Variants in HDAC1 observed in about 807,000 individuals in gnomAD.
The protein encoded by HDAC1 is histone deacetylase 1.
In HDAC1, 18 loss-of-function variants were observed where a neutral mutation model predicts 65.5. The observed-to-expected ratio is 0.27, with a 90% CI of 0.19 to 0.41. The LOEUF (loss-of-function observed/expected upper bound fraction) is 0.41, where lower values mean the gene tolerates loss of function less well. HDAC1 is among the 10% of genes least tolerant of loss of function. The pLI is 1.00. For synonymous variants in HDAC1, 211 were observed against 227.9 expected (o/e 0.93, Z 0.67); for missense variants, 373 against 625.2 (o/e 0.60, Z 4.30).
In HDAC1 at chr1:32,329,446, A is replaced by G; in HGVS notation, c.729+286A>G. On this transcript the variant is annotated intron_variant, in intron 7 of 13. Transcript: ENST00000373548. This position sits in a 1 kb window ranked among gnomAD's most constrained non-coding sequence, Gnocchi z 4.1. ...AAGGCAGGCACATACCCAGTAGTCT[A>G]TGATTAGTACTGTTTTTGTATCTCC... The G allele has an allele frequency of 1.9e-6, 1 of 538,818 alleles. No homozygotes were observed. Among genetic ancestry groups the G allele is most frequent in the Non-Finnish European group, 3.4e-6 (1 of 298,254 alleles). 33.4% of individuals were successfully genotyped at this position (538,818 alleles called of 1,614,324 possible).
At chr1:32,296,098 C>T (rs1569998178) in intron 1 of HDAC1, among the ~76,000 whole-genome samples, 1 of 152,120 alleles carries the variant, frequency 6.6e-6, no homozygotes, top group African/African-American at 2.4e-5. Flanking sequence ...AGAGGAGGCT[C>T]TTTAGGGAAA....
intron 1 of HDAC1, among the ~76,000 whole-genome samples, chr1:32,298,352 G>GTTGGGAT (rs1243235324): frequency 2.0e-5 from 3 of 151,942 alleles, no homozygotes; most frequent in Non-Finnish European, 4.4e-5. Flanking sequence ...CTCCCAAAGT[G>GTTGGGAT]TTGGGATTAC....
chr1:32,324,574 C>T (rs757566761), intron 4 of HDAC1, 21 bp downstream of exon 4: 1 of 1,535,318 alleles, frequency 6.5e-7, no homozygotes, highest in Admixed American at 1.7e-5. Context: ...TTCATCTTCT[C>T]CCCAGGGGTA....
intron 2 of HDAC1, among the ~76,000 whole-genome samples, chr1:32,302,951 C>G (rs1640869029): frequency 6.6e-6 from 1 of 152,174 alleles, no homozygotes; most frequent in Admixed American, 6.6e-5. Flanking sequence ...GCAAGAGGAT[C>G]ACTTGAGCCT....
intron 6 of HDAC1, among the ~76,000 whole-genome samples, chr1:32,328,461 T>A (rs192111235): frequency 1.3e-5 from 2 of 152,262 alleles, no homozygotes; most frequent in Non-Finnish European, 2.9e-5. Flanking sequence ...GCTGGGATTA[T>A]AAGTGCGTGC....
At chr1:32,321,479 C>T (rs928561691) in intron 3 of HDAC1, among the ~76,000 whole-genome samples, 4 of 151,622 alleles carry the variant, frequency 2.6e-5, no homozygotes, top group Admixed American at 6.6e-5. Flanking sequence ...CCTTCTCTGC[C>T]TACGTCTGCT....
chr1:32,312,660 T>A (rs1641006197), intron 2 of HDAC1, among the ~76,000 whole-genome samples: 1 of 145,418 alleles, frequency 6.9e-6, no homozygotes, highest in African/African-American at 2.6e-5. Context: ...TGTGCCTGGC[T>A]ATGAACTTTT....
In HDAC1 at chr1:32,295,519, C is replaced by T. The variant is rs564858258; in HGVS notation, c.49+3301C>T. On this transcript the variant is annotated intron_variant, in intron 1 of 13. Transcript: ENST00000373548. Reference sequence around the variant, plus strand: ...GTGTCTGGTGAGGGTCTGGTCTCTACTTCCAATATGGTGCTTTGAATTCAG... The same window carrying T: ...GTGTCTGGTGAGGGTCTGGTCTCTATTTCCAATATGGTGCTTTGAATTCAG... 7.2e-5 allele frequency among the ~76,000 whole-genome samples: 11 copies of T among 152,284 alleles called. No individual in the cohort carries two copies. In the South Asian group the frequency reaches 2.3e-3, roughly 32 times the overall value.
intron 2 of HDAC1, among the ~76,000 whole-genome samples, chr1:32,310,870 GAGAC>G (rs945130133): frequency 7.4e-5 from 11 of 147,938 alleles, no homozygotes; most frequent in Admixed American, 2.0e-4. Flanking sequence ...AAAAAATAGA[GAGAC>G]AGAAAGAAAC....
At chr1:32,321,578 T>C (rs1641147493) in intron 3 of HDAC1, among the ~76,000 whole-genome samples, 1 of 152,062 alleles carries the variant, frequency 6.6e-6, no homozygotes, top group Non-Finnish European at 1.5e-5. Context: ...AGAAAACCCA[T>C]GGAAAAGTCT....
At position 32,330,164 on chromosome 1, in the gene HDAC1, A is replaced by C. The variant is rs1360847188; in HGVS notation, c.730-414A>C. On this transcript the variant is annotated intron_variant, in intron 7 of 13. Transcript: ENST00000373548. This position sits in a 1 kb window ranked among gnomAD's most constrained non-coding sequence, Gnocchi z 4.2. ...TTGTGGTCTCGGTCTCAGTAACGTT[A>C]GACTCTGCTTGTGAGAATAAGATAA... 1.0e-5 allele frequency: 2 copies of C among 198,368 alleles called. No individual in the cohort carries two copies. The highest frequency in any genetic ancestry group is 1.0e-5 in the Non-Finnish European group (1 of 95,410). 12.3% of individuals were successfully genotyped at this position (198,368 alleles called of 1,614,324 possible).
chr1:32,314,262 G>C (rs947274766), intron 2 of HDAC1, among the ~76,000 whole-genome samples: 2 of 152,142 alleles, frequency 1.3e-5, no homozygotes, highest in Non-Finnish European at 2.9e-5. Context: ...CAAGATCACA[G>C]CTCACTGCAG....
chr1:32,313,741 T>C (rs1251479812), intron 2 of HDAC1, among the ~76,000 whole-genome samples: 1 of 152,160 alleles, frequency 6.6e-6, no homozygotes, highest in Non-Finnish European at 1.5e-5. Flanking sequence ...CCCATGTCTG[T>C]GTAGGTTTTC....
chr1:32,332,801 C>G, intron 13 of HDAC1, 52 bp downstream of exon 13: 1 of 1,461,328 alleles, frequency 6.8e-7, no homozygotes, highest in South Asian at 1.2e-5. Context: ...GCACCAGCCC[C>G]TTTGTCCCAC....
intron 2 of HDAC1, among the ~76,000 whole-genome samples, chr1:32,309,503 A>G (rs1014761411): frequency 6.6e-6 from 1 of 152,092 alleles, no homozygotes; most frequent in African/African-American, 2.4e-5. Context: ...CCTGGCCAAC[A>G]TGGTGAAACC....
intron 3 of HDAC1, among the ~76,000 whole-genome samples, chr1:32,321,988 GCTT>G (rs1243589843): frequency 1.3e-5 from 2 of 152,146 alleles, no homozygotes; most frequent in Non-Finnish European, 2.9e-5. Flanking sequence ...ATGCAGCCAT[GCTT>G]CTTCCTCAGA....
intron 2 of HDAC1, among the ~76,000 whole-genome samples, chr1:32,314,238 CTG>C (rs1641028333): frequency 6.6e-6 from 1 of 152,152 alleles, no homozygotes; most frequent in South Asian, 2.1e-4. Context: ...GTTGCCCAGA[CTG>C]TAGTGCAGTG....
chr1:32,298,833 A>G (rs1054141735), intron 1 of HDAC1, among the ~76,000 whole-genome samples: 2 of 152,018 alleles, frequency 1.3e-5, no homozygotes, highest in Admixed American at 6.6e-5. Context: ...CCCTGACTCT[A>G]CTAAAAATAC....
chr1:32,318,825 A>C (rs1291443300), intron 3 of HDAC1, among the ~76,000 whole-genome samples: 1 of 152,190 alleles, frequency 6.6e-6, no homozygotes, highest in African/African-American at 2.4e-5. Flanking sequence ...TGTACATTAA[A>C]AAATTCAGTC....
Sources: allele counts gnomAD v4.1 joint callset (sites outside exome capture counted in the v4.1 genomes callset), GRCh38; gene constraint gnomAD v4.1.1; non-coding constraint Gnocchi (gnomAD v3.1); transcripts MANE v1.5; gene names NCBI Gene and HGNC (gene_info 2026-07-23, HGNC 2026-07-21).